The following XPNPEP3 variants were observed in gnomAD, a reference collection of about 807,000 sequenced individuals.
XPNPEP3 encodes the protein xaa-Pro aminopeptidase 3.
In XPNPEP3, 41 loss-of-function variants were observed where a neutral mutation model predicts 60.0. The observed-to-expected ratio is 0.68, with a 90% confidence interval of 0.53 to 0.89. The LOEUF is 0.89. Among genes scored for constraint, XPNPEP3 ranks in the 40% least tolerant of loss-of-function variants. The probability of loss-of-function intolerance (pLI) is 0.00; values close to 1 mark genes in which losing one functional copy is unlikely to be tolerated. For missense variants in XPNPEP3, 598 were observed against 638.9 expected (o/e 0.94, Z 0.69); for synonymous variants, 212 against 223.2 (o/e 0.95, Z 0.45).
At chr22:40,904,444 A>G (rs1375830161) in intron 4 of XPNPEP3, among the ~76,000 whole-genome samples, 1 of 152,186 alleles carries the variant, frequency 6.6e-6, no homozygotes. Context: ...AGGCTGAAGC[A>G]GAAGGATCGC....
At chr22:40,870,015 A>T (rs1230584062) in intron 2 of XPNPEP3, 1 of 470,838 alleles carries the variant, frequency 2.1e-6, no homozygotes, top group Non-Finnish European at 4.4e-6. Flanking sequence ...TATGTTTCTC[A>T]GTGAGGGCTT....
intron 2 of XPNPEP3, among the ~76,000 whole-genome samples, chr22:40,875,829 C>G (rs942275662): frequency 6.9e-6 from 1 of 145,612 alleles, no homozygotes; most frequent in African/African-American, 2.6e-5. Context: ...GCCTGGCCAA[C>G]GTAGCAAACT....
chr22:40,902,290 G>A (rs1415785297), intron 4 of XPNPEP3, among the ~76,000 whole-genome samples: 6 of 130,886 alleles, frequency 4.6e-5, no homozygotes, highest in African/African-American at 1.8e-4. Context: ...TCGCTCTGTC[G>A]CCGAGGCTGG....
chr22:40,931,387 A>G lies in XPNPEP3; in HGVS notation c.*4952A>G, dbSNP rs537166229. 3.1e-4 allele frequency: 47 copies of G among 152,262 alleles called. No homozygotes were observed. Among genetic ancestry groups the G allele is most frequent in the African/African-American group, 1.1e-3 (46 of 41,570 alleles). 9.4% of individuals were successfully genotyped at this position (152,262 alleles called of 1,614,324 possible). On this transcript the variant is annotated 3_prime_UTR_variant, in exon 10 of 10. Coordinates refer to ENST00000357137, the MANE Select transcript of XPNPEP3 (RefSeq NM_022098.4). ...TTTTGTCACCATAATTAGGAAACAGACTGTGTTCTTTATTTGAAACACAAC... is the reference window on the plus strand; with the variant it reads ...TTTTGTCACCATAATTAGGAAACAGGCTGTGTTCTTTATTTGAAACACAAC...
chr22:40,905,912 C>T (rs903913926), intron 4 of XPNPEP3, among the ~76,000 whole-genome samples: 7 of 152,128 alleles, frequency 4.6e-5, no homozygotes, highest in African/African-American at 1.7e-4. Flanking sequence ...CTGTCCCAGC[C>T]TCCTGAGTAG....
chr22:40,866,172 A>G (rs535160033), intron 1 of XPNPEP3, among the ~76,000 whole-genome samples: 1 of 152,196 alleles, frequency 6.6e-6, no homozygotes, highest in African/African-American at 2.4e-5. Flanking sequence ...CTTATGTCCA[A>G]TTAGAAGCCA....
chr22:40,928,756 G>A lies in XPNPEP3; in HGVS notation c.*2321G>A, dbSNP rs771976752. ...AACAATTTGTATTAGGGAAGCACAAGCTAGGGGATTAACAATCTCTGTAAT... is the reference window on the plus strand; with the variant it reads ...AACAATTTGTATTAGGGAAGCACAAACTAGGGGATTAACAATCTCTGTAAT... On this transcript the variant is annotated 3_prime_UTR_variant, in exon 10 of 10. Transcript: ENST00000357137. The A allele has an allele frequency of 3.9e-5, 6 of 152,232 alleles. No individual in the cohort carries two copies. The highest frequency in any genetic ancestry group is 8.8e-5 in the Non-Finnish European group (6 of 68,044). 9.4% of individuals were successfully genotyped at this position (152,232 alleles called of 1,614,324 possible). A position where few individuals can be genotyped will look rare whatever the true frequency, so the allele number is the denominator to read the frequency against.
intron 4 of XPNPEP3, among the ~76,000 whole-genome samples, chr22:40,895,054 GC>G (rs1374780116): frequency 6.6e-6 from 1 of 152,124 alleles, no homozygotes; most frequent in East Asian, 1.9e-4. Context: ...TTTACTTTCT[GC>G]TGGACTCTGA....
chr22:40,927,640 C>G lies in XPNPEP3; in HGVS notation c.*1205C>G, dbSNP rs886057514. 2.0e-5 allele frequency: 3 copies of G among 151,668 alleles called. No homozygotes were observed. Among genetic ancestry groups the G allele is most frequent in the African/African-American group, 7.3e-5 (3 of 41,294 alleles). The allele number at this position is 151,668 out of a possible 1,614,324, so 9.4% of individuals were successfully genotyped here. On this transcript the variant is annotated 3_prime_UTR_variant, in exon 10 of 10. Transcript: ENST00000357137. ...CTGTAATCCCAGCACTTTGGGAGGC[C>G]GAGGTGGGCGGATCACGAGGTCAGG...
intron 1 of XPNPEP3, chr22:40,860,097 C>A (rs2057933031): frequency 6.6e-6 from 1 of 152,044 alleles, no homozygotes; most frequent in African/African-American, 2.4e-5. Context: ...TATAGTTTTT[C>A]TTTAGAGACA....
chr22:40,898,182 T>A (rs1601508972), intron 4 of XPNPEP3, among the ~76,000 whole-genome samples: 1 of 150,420 alleles, frequency 6.6e-6, no homozygotes, highest in East Asian at 1.9e-4. Context: ...TCCCCTATGT[T>A]TTCTTCTAAG....
chr22:40,895,769 C>G (rs2058105421), intron 4 of XPNPEP3, among the ~76,000 whole-genome samples: 1 of 152,144 alleles, frequency 6.6e-6, no homozygotes, highest in Non-Finnish European at 1.5e-5. Context: ...CTTTTTATCC[C>G]TTTCACAGCA....
At chr22:40,924,610 G>GC (rs1489437071) in intron 9 of XPNPEP3, 128 bp downstream of exon 9, 2 of 1,359,318 alleles carry the variant, frequency 1.5e-6, no homozygotes, top group Non-Finnish European at 2.0e-6. Flanking sequence ...TGCAACCTCC[G>GC]CCCCCCAGGT....
chr22:40,862,451 A>C, intron 1 of XPNPEP3: 3 of 987,014 alleles, frequency 3.0e-6, no homozygotes, highest in Non-Finnish European at 3.6e-6. Context: ...AGAAAAATGA[A>C]GTACTGACTT....
intron 8 of XPNPEP3, among the ~76,000 whole-genome samples, chr22:40,922,746 A>G (rs1002821639): frequency 1.4e-5 from 2 of 147,588 alleles, no homozygotes; most frequent in Non-Finnish European, 2.9e-5. Context: ...ACACACACAC[A>G]TATATATATA....
chr22:40,884,879 T>A (rs2146252810), intron 3 of XPNPEP3, among the ~76,000 whole-genome samples: 1 of 151,198 alleles, frequency 6.6e-6, no homozygotes, highest in African/African-American at 2.4e-5. Context: ...TACGAAAAAA[T>A]TAGCTGGACG....
intron 4 of XPNPEP3, among the ~76,000 whole-genome samples, chr22:40,899,573 G>A (rs961351484): frequency 1.1e-4 from 17 of 152,092 alleles, no homozygotes; most frequent in Non-Finnish European, 1.8e-4. Context: ...TGTAATCCCA[G>A]CATTTTGGGA....
Position 40,870,406 on chromosome 22 carries a change from A to G in XPNPEP3, c.181+1291A>G, listed in dbSNP as rs12157820. 235 of 186,042 alleles carry G rather than the reference A, an allele frequency of 1.3e-3. 4 individuals carry two copies. Among genetic ancestry groups the G allele is most frequent in the African/African-American group, 5.2e-3 (219 of 41,898 alleles). The allele number at this position is 186,042 out of a possible 1,614,324, so 11.5% of individuals were successfully genotyped here. On this transcript the variant is annotated intron_variant, in intron 2 of 9. Coordinates refer to ENST00000357137, the MANE Select transcript of XPNPEP3 (RefSeq NM_022098.4). Reference sequence around the variant, plus strand: ...TGCATGTTAAGTATAAGTGAATGTAAATAAATATGTACACGTATATGTTCA... The same window carrying G: ...TGCATGTTAAGTATAAGTGAATGTAGATAAATATGTACACGTATATGTTCA...
At chr22:40,892,834 G>A (rs1183475206) in intron 4 of XPNPEP3, among the ~76,000 whole-genome samples, 1 of 151,892 alleles carries the variant, frequency 6.6e-6, no homozygotes, top group Non-Finnish European at 1.5e-5. Context: ...GTTATACCTT[G>A]TTATTTATTT....
Sources: gnomAD v4.1 joint callset for allele counts (sites outside exome capture counted in the v4.1 genomes callset) on GRCh38, gnomAD v4.1.1 for gene constraint, MANE v1.5 for transcripts, NCBI Gene and HGNC (gene_info 2026-07-23, HGNC 2026-07-21) for gene names.